The following ANKRD30B variants were observed in gnomAD, a reference collection of about 807,000 sequenced individuals.
ANKRD30B encodes ankyrin repeat domain 30B, also known as ankyrin repeat domain-containing protein 30B.
Under a neutral mutation model 202.2 loss-of-function variants are expected in ANKRD30B, and 144 were observed. The observed-to-expected ratio is 0.71, with a 90% CI of 0.62 to 0.82. ANKRD30B has a LOEUF of 0.82. Among genes scored for constraint, ANKRD30B ranks in the 40% least tolerant of loss-of-function variants. The pLI is 0.00. For synonymous variants in ANKRD30B, 508 were observed against 561.3 expected (o/e 0.91, Z 1.34); for missense variants, 1,487 against 1,669.1 (o/e 0.89, Z 1.90).
At chr18:14,865,390 C>G in the ANKRD30B span, among the ~76,000 whole-genome samples, 4 of 151,158 alleles carry the variant, frequency 2.6e-5, no homozygotes, top group Non-Finnish European at 4.4e-5. Flanking sequence ...ACCCTTTTCC[C>G]CCCTCCATCT....
chr18:14,890,515 T>C, the ANKRD30B span, among the ~76,000 whole-genome samples: 8 of 151,802 alleles, frequency 5.3e-5, no homozygotes, highest in East Asian at 1.5e-3. Flanking sequence ...ATCCCAGTTT[T>C]ACAGATCAGG....
chr18:14,837,841 T>A (rs1475169165), intron 36 of ANKRD30B, among the ~76,000 whole-genome samples, 165 bp downstream of exon 36: 1 of 152,012 alleles, frequency 6.6e-6, no homozygotes. Context: ...TGGTGAAATC[T>A]CGTCTCTACT....
chr18:14,814,542 AT>A, intron 29 of ANKRD30B, 78 bp from the exon 30 acceptor site: 1 of 758,608 alleles, frequency 1.3e-6, no homozygotes, highest in Non-Finnish European at 2.0e-6. Context: ...TTTAGAAAAG[AT>A]TTTAATTAGG....
At chr18:14,760,255 G>A (rs1433187590) in intron 5 of ANKRD30B, among the ~76,000 whole-genome samples, 1 of 152,162 alleles carries the variant, frequency 6.6e-6, no homozygotes, top group African/African-American at 2.4e-5. Context: ...ATACCTGTTG[G>A]TAACTGCGCT....
chr18:14,789,214 G>A (rs1598619959), intron 15 of ANKRD30B, among the ~76,000 whole-genome samples: 1 of 152,156 alleles, frequency 6.6e-6, no homozygotes, highest in African/African-American at 2.4e-5. Context: ...GTCTGTTCAT[G>A]TCCTTCACCC....
At chr18:14,750,768 A>G (rs1204208940) in intron 1 of ANKRD30B, among the ~76,000 whole-genome samples, 1 of 152,120 alleles carries the variant, frequency 6.6e-6, no homozygotes, top group African/African-American at 2.4e-5. Context: ...AAGTATGTTG[A>G]CATTTGAAAA....
At chr18:14,877,781 A>G in the ANKRD30B span, 2 of 152,176 alleles carry the variant, frequency 1.3e-5, no homozygotes, top group East Asian at 3.9e-4. Context: ...ACTAAAGGTA[A>G]TGCACGAGGA....
At position 14,840,675 on chromosome 18, in the gene ANKRD30B, G is replaced by A. The variant is rs571384344; in HGVS notation, c.3076G>A (p.Glu1026Lys). Residue 1026 changes from glutamate (E) to lysine (K), a missense_variant, in exon 37 of 44, where the codon GAA (glutamate) becomes AAA (lysine). By Grantham distance (56) the Glu-to-Lys change is moderately conservative. Around this residue, in one of 6 missense-constraint regions of ANKRD30B, gnomAD observed 218 missense variants for 320.1 expected, o/e 0.68. Coordinates refer to ENST00000690538, the MANE Select transcript of ANKRD30B (RefSeq NM_001367607.2). The part of the protein sequence containing the change: ...KEIKTTNGKI[E>K]ESPEKPSHFE... Reference sequence around the variant, plus strand: ...AATAAAGACAACAAATGGCAAAATAGAAGGTAAGAACCATTTTTTATTTAA... The same window carrying A: ...AATAAAGACAACAAATGGCAAAATAAAAGGTAAGAACCATTTTTTATTTAA... 3.5e-4 allele frequency: 524 copies of A among 1,503,864 alleles called. 1 individual carries two copies. Among genetic ancestry groups the A allele is most frequent in the Non-Finnish European group, 4.4e-4 (485 of 1,111,510 alleles). 93.2% of individuals were successfully genotyped at this position (1,503,864 alleles called of 1,614,324 possible). A position where few individuals can be genotyped will look rare whatever the true frequency, so the allele number is the denominator to read the frequency against.
intron 36 of ANKRD30B, among the ~76,000 whole-genome samples, chr18:14,838,990 AG>A: frequency 6.6e-6 from 1 of 152,298 alleles, no homozygotes; most frequent in African/African-American, 2.4e-5. Flanking sequence ...ATTTTGGGTA[AG>A]GGGATGGTAA....
Position 14,850,278 on chromosome 18 carries a change from C to A in ANKRD30B, c.3460C>A (p.Pro1154Thr). The A allele has an allele frequency of 1.9e-6, 3 of 1,590,590 alleles. No individual in the cohort carries two copies. The highest frequency in any genetic ancestry group is 1.7e-6 in the Non-Finnish European group (2 of 1,169,690). Residue 1154 changes from proline to threonine, a missense_variant, in exon 41 of 44, where the codon CCC becomes ACC. This residue lies in a region of ANKRD30B where 177 missense variants were observed against 216.4 expected (regional missense o/e 0.82). Coordinates refer to ENST00000690538, the MANE Select transcript of ANKRD30B (RefSeq NM_001367607.2). ...NVDILKEKIR[P>T]EEQLRKKLEV... ...CGATATATTAAAAGAAAAAATTAGACCCGAAGAGCAACTTAGGAAAAAGTT... is the reference window on the plus strand; with the variant it reads ...CGATATATTAAAAGAAAAAATTAGAACCGAAGAGCAACTTAGGAAAAAGTT...
chr18:14,826,263 T>C (rs2143032741), intron 32 of ANKRD30B, among the ~76,000 whole-genome samples: 1 of 152,346 alleles, frequency 6.6e-6, no homozygotes, highest in African/African-American at 2.4e-5. Flanking sequence ...GACTGAGCAG[T>C]GGCTAATGAA....
intron 6 of ANKRD30B, 72 bp from the exon 7 acceptor site, chr18:14,763,614 A>T: frequency 1.3e-6 from 2 of 1,566,880 alleles, no homozygotes; most frequent in South Asian, 2.3e-5. Flanking sequence ...AATAAGTAGA[A>T]GTTTGCCAGG....
the ANKRD30B span, among the ~76,000 whole-genome samples, chr18:14,863,237 G>A: frequency 8.1e-6 from 1 of 122,938 alleles, no homozygotes; most frequent in Admixed American, 8.1e-5. Context: ...CTTGTTGAAT[G>A]TGATCTTAAA....
chr18:14,872,510 T>A, the ANKRD30B span, among the ~76,000 whole-genome samples: 1 of 152,196 alleles, frequency 6.6e-6, no homozygotes, highest in Non-Finnish European at 1.5e-5. Context: ...GTGTATCCAA[T>A]GCACTGCTGC....
At chr18:14,881,207 T>G in the ANKRD30B span, among the ~76,000 whole-genome samples, 1 of 152,256 alleles carries the variant, frequency 6.6e-6, no homozygotes, top group African/African-American at 2.4e-5. Flanking sequence ...TTCAGTATTA[T>G]GTTGGCTGTG....
intron 5 of ANKRD30B, among the ~76,000 whole-genome samples, 197 bp from the exon 6 acceptor site, chr18:14,760,357 T>A (rs566541740): frequency 2.6e-4 from 39 of 152,300 alleles, no homozygotes; most frequent in African/African-American, 9.1e-4. Context: ...CATGAGTATT[T>A]CATCTTACTT....
chr18:14,753,560 T>C (rs1913823958), intron 3 of ANKRD30B, among the ~76,000 whole-genome samples: 1 of 152,298 alleles, frequency 6.6e-6, no homozygotes, highest in South Asian at 2.1e-4. Context: ...TCTCTCATAG[T>C]ATATTTTGGT....
chr18:14,899,991 A>AG, the ANKRD30B span, among the ~76,000 whole-genome samples: 1 of 152,168 alleles, frequency 6.6e-6, no homozygotes, highest in Admixed American at 6.5e-5. Flanking sequence ...TCTAAATTCC[A>AG]GGCATTCATA....
At chr18:14,817,640 T>G (rs1465125625) in intron 30 of ANKRD30B, among the ~76,000 whole-genome samples, 1 of 152,218 alleles carries the variant, frequency 6.6e-6, no homozygotes, top group East Asian at 1.9e-4. Flanking sequence ...ACATATTCAT[T>G]TCCTATCTCA....
Sources: allele counts gnomAD v4.1 joint callset (sites outside exome capture counted in the v4.1 genomes callset), GRCh38; gene constraint gnomAD v4.1.1; regional missense constraint gnomAD v4.1.1; transcripts MANE v1.5; gene names NCBI Gene and HGNC (gene_info 2026-07-23, HGNC 2026-07-21).